ZNF525: variants seen among roughly 807,000 people sequenced by gnomAD.
ZNF525 encodes zinc finger protein 525.
ZNF525 carries 33 observed loss-of-function variants against 37.6 expected under a neutral mutation model. That is an observed-to-expected ratio of 0.88 (90% CI 0.67 to 1.17). The LOEUF (loss-of-function observed/expected upper bound fraction) is 1.17. Ranked by LOEUF, ZNF525 falls within the 50% of genes most tolerant of loss-of-function variation. The pLI, the probability that ZNF525 is intolerant of heterozygous loss-of-function variation, is 0.00. For missense variants in ZNF525, 449 were observed against 543.1 expected, an observed-to-expected ratio of 0.83 and a Z score of 1.72; for synonymous variants, 170 against 182.3, an observed-to-expected ratio of 0.93 and a Z score of 0.54.
Position 53,386,392 on chromosome 19 carries a change from A to G in ZNF525, c.*4373A>G. 1.2e-6 allele frequency: 1 copy of G among 868,670 alleles called. No homozygotes were observed. Among genetic ancestry groups the G allele is most frequent in the Non-Finnish European group, 1.9e-6 (1 of 529,264 alleles). 53.8% of individuals were successfully genotyped at this position (868,670 alleles called of 1,614,324 possible). On this transcript the variant is annotated 3_prime_UTR_variant, in exon 4 of 4. Transcript: ENST00000474037. Reference sequence around the variant, plus strand: ...AAGAACCAAGCTGGGTCTATAAGGAATTGCATGTGAGATGGCACACATATT... The same window carrying G: ...AAGAACCAAGCTGGGTCTATAAGGAGTTGCATGTGAGATGGCACACATATT...
intron 3 of ZNF525, among the ~76,000 whole-genome samples, chr19:53,378,316 G>A (rs1167876278): frequency 6.6e-6 from 1 of 152,162 alleles, no homozygotes; most frequent in Non-Finnish European, 1.5e-5. Context: ...AATTAGCTGG[G>A]CGTGGTGGCA....
At chr19:53,368,179 A>AGGCC (rs1327368361) in intron 1 of ZNF525, among the ~76,000 whole-genome samples, 2 of 152,162 alleles carry the variant, frequency 1.3e-5, no homozygotes, top group Admixed American at 6.5e-5. Context: ...AACTGTCAGT[A>AGGCC]GGCCTGTGGC....
At position 53,382,647 on chromosome 19, in the gene ZNF525, A is replaced by G; in HGVS notation, c.*628A>G. 5 of 710,712 alleles carry G rather than the reference A, an allele frequency of 7.0e-6. No homozygotes were observed. The highest frequency in any genetic ancestry group is 7.0e-5 in the South Asian group (5 of 71,468). The allele number at this position is 710,712 out of a possible 1,614,324, so 44.0% of individuals were successfully genotyped here. On this transcript the variant is annotated 3_prime_UTR_variant, in exon 4 of 4. Coordinates refer to ENST00000474037, the MANE Select transcript of ZNF525 (RefSeq NM_001348156.2). ...GCAATCCATGGCAGAGGGAAACTTT[A>G]CAAATGTAATGATTGTCACCACGTC...
At position 53,382,646 on chromosome 19, in the gene ZNF525, T is replaced by C; in HGVS notation, c.*627T>C. 1.4e-6 allele frequency: 1 copy of C among 711,724 alleles called. No individual in the cohort carries two copies. The highest frequency in any genetic ancestry group is 1.4e-5 in the South Asian group (1 of 71,444). 44.1% of individuals were successfully genotyped at this position (711,724 alleles called of 1,614,324 possible). A position where few individuals can be genotyped will look rare whatever the true frequency, so the allele number is the denominator to read the frequency against. On this transcript the variant is annotated 3_prime_UTR_variant, in exon 4 of 4. Coordinates refer to ENST00000474037, the MANE Select transcript of ZNF525 (RefSeq NM_001348156.2). ...AGCAATCCATGGCAGAGGGAAACTTTACAAATGTAATGATTGTCACCACGT... is the reference window on the plus strand; with the variant it reads ...AGCAATCCATGGCAGAGGGAAACTTCACAAATGTAATGATTGTCACCACGT...
chr19:53,379,630 C>T (rs2085545077), intron 3 of ZNF525, among the ~76,000 whole-genome samples: 1 of 152,146 alleles, frequency 6.6e-6, no homozygotes, highest in Non-Finnish European at 1.5e-5. Context: ...AGTTATTTTA[C>T]CAATTCATTT....
chr19:53,371,889 T>C (rs2147065873), intron 1 of ZNF525, among the ~76,000 whole-genome samples: 1 of 152,268 alleles, frequency 6.6e-6, no homozygotes, highest in African/African-American at 2.4e-5. Context: ...GCTCAAGCGA[T>C]CTACCCCTCT....
chr19:53,370,492 C>T (rs1274580094), intron 1 of ZNF525, among the ~76,000 whole-genome samples: 1 of 151,782 alleles, frequency 6.6e-6, no homozygotes, highest in Non-Finnish European at 1.5e-5. Flanking sequence ...GAAAATTTCC[C>T]TGCTCTGAGC....
In ZNF525 at chr19:53,385,059, A is replaced by G. The variant is rs1472445519; in HGVS notation, c.*3040A>G. ...TGGTTTTAATCTTTCATTCTGTTCT[A>G]GTGGTATATAACATTGATTTGCTTG... On this transcript the variant is annotated 3_prime_UTR_variant, in exon 4 of 4. Transcript: ENST00000474037. 1.5e-6 allele frequency: 1 copy of G among 683,390 alleles called. No homozygotes were observed. Among genetic ancestry groups the G allele is most frequent in the East Asian group, 2.7e-5 (1 of 36,434 alleles). The allele number at this position is 683,390 out of a possible 1,614,324, so 42.3% of individuals were successfully genotyped here. A position where few individuals can be genotyped will look rare whatever the true frequency, so the allele number is the denominator to read the frequency against.
rs1158301695 is a variant in ZNF525 at position 53,383,881 on chromosome 19, T to C, written c.*1862T>C. 12 of 604,806 alleles carry C rather than the reference T, an allele frequency of 2.0e-5. No homozygotes were observed. Among genetic ancestry groups the C allele is most frequent in the African/African-American group, 3.7e-5 (2 of 54,070 alleles). 37.5% of individuals were successfully genotyped at this position (604,806 alleles called of 1,614,324 possible). A position where few individuals can be genotyped will look rare whatever the true frequency, so the allele number is the denominator to read the frequency against. Reference sequence around the variant, plus strand: ...ATCTTTTGCAAAACAGGAGAATTCATACAGGAGAGAAACCTCACAAGTGTG... The same window carrying C: ...ATCTTTTGCAAAACAGGAGAATTCACACAGGAGAGAAACCTCACAAGTGTG... On this transcript the variant is annotated 3_prime_UTR_variant, in exon 4 of 4. Transcript: ENST00000474037.
chr19:53,383,411 A>C lies in ZNF525; in HGVS notation c.*1392A>C. The C allele has an allele frequency of 9.2e-7, 1 of 1,085,838 alleles. No homozygotes were observed. Among genetic ancestry groups the C allele is most frequent in the Non-Finnish European group, 1.4e-6 (1 of 740,652 alleles). The allele number at this position is 1,085,838 out of a possible 1,614,324, so 67.3% of individuals were successfully genotyped here. On this transcript the variant is annotated 3_prime_UTR_variant, in exon 4 of 4. Transcript: ENST00000474037. ...GAGAGAAACCTTAGAAATGTGAAGA[A>C]TGTGACAAAGTTTACAGTCGCAAAT...
In ZNF525 at chr19:53,381,609, T is replaced by G. The variant is rs777216584; in HGVS notation, c.1030T>G (p.Cys344Gly). Reference sequence around the variant, plus strand: ...CTTTAGTCAGAAGTCATACCTTGCATGCCATCGTAGCATTCATACTGGAAA... The same window carrying G: ...CTTTAGTCAGAAGTCATACCTTGCAGGCCATCGTAGCATTCATACTGGAAA... Reference protein sequence around the residue: ...KTFSQKSYLACHRSIHTGKKP... With the variant: ...KTFSQKSYLAGHRSIHTGKKP... The change falls in exon 4 of 4, where the codon TGC becomes GGC. Residue 344 changes from cysteine to glycine, a missense_variant. This residue lies in a region of ZNF525 where 178 missense variants were observed against 161.5 expected (regional missense o/e 1.10). Transcript: ENST00000474037. 7 of 1,104,032 alleles carry G rather than the reference T, an allele frequency of 6.3e-6. No individual in the cohort carries two copies. The highest frequency in any genetic ancestry group is 6.1e-5 in the African/African-American group (4 of 65,492). The allele number at this position is 1,104,032 out of a possible 1,614,324, so 68.4% of individuals were successfully genotyped here.
Position 53,383,297 on chromosome 19 carries a change from A to G in ZNF525, c.*1278A>G, listed in dbSNP as rs1857491842. The G allele has an allele frequency of 2.2e-6, 3 of 1,374,230 alleles. No homozygotes were observed. The highest frequency in any genetic ancestry group is 1.7e-5 in the African/African-American group (1 of 58,246). The allele number at this position is 1,374,230 out of a possible 1,614,324, so 85.1% of individuals were successfully genotyped here. ...TTCAGTCCTTGTAATTCATAAAACA[A>G]TTCATACTGGAGAGAAACAAGCGTA... On this transcript the variant is annotated 3_prime_UTR_variant, in exon 4 of 4. Coordinates refer to ENST00000474037, the MANE Select transcript of ZNF525 (RefSeq NM_001348156.2).
rs1199010552 is a variant in ZNF525, at chr19:53,384,106, A to C, written c.*2087A>C. 1 of 452,616 alleles carries C rather than the reference A, an allele frequency of 2.2e-6. No individual in the cohort carries two copies. The highest frequency in any genetic ancestry group is 2.0e-5 in the African/African-American group (1 of 49,526). The allele number at this position is 452,616 out of a possible 1,614,324, so 28.0% of individuals were successfully genotyped here. On this transcript the variant is annotated 3_prime_UTR_variant, in exon 4 of 4. Coordinates refer to ENST00000474037, the MANE Select transcript of ZNF525 (RefSeq NM_001348156.2). The stretch of plus-strand genomic sequence containing the variant: ...ATAGCAAACCATCAAGCATTGATTG[A>C]CATTAGAGTCAGTTCAGCATTGACT...
At chr19:53,378,449 C>G (rs1457608077) in intron 3 of ZNF525, among the ~76,000 whole-genome samples, 1 of 152,134 alleles carries the variant, frequency 6.6e-6, no homozygotes, top group African/African-American at 2.4e-5. Flanking sequence ...AGTGAGACTA[C>G]AGGCTGAGGC....
chr19:53,366,845 G>A (rs8107801), intron 1 of ZNF525, among the ~76,000 whole-genome samples: 50,741 of 149,732 alleles, frequency 0.34, 8,710 homozygotes, highest in Non-Finnish European at 0.44. Context: ...AGCAGAGGAG[G>A]CGCAGAGATG....
At position 53,383,932 on chromosome 19, in the gene ZNF525, A is replaced by G. The variant is rs115439275; in HGVS notation, c.*1913A>G. The G allele has an allele frequency of 1.2e-3, 862 of 696,154 alleles. 6 individuals are homozygous for G. The African/African-American group carries it at 0.014, about 12-fold the overall frequency. The allele number at this position is 696,154 out of a possible 1,614,324, so 43.1% of individuals were successfully genotyped here. The stretch of plus-strand genomic sequence containing the variant: ...ATGATCGTGGCAAAGCCTTTACTTC[A>G]CATTCTCACCTCATTAGACATCAGA... On this transcript the variant is annotated 3_prime_UTR_variant, in exon 4 of 4. Transcript: ENST00000474037.
chr19:53,385,920 T>A lies in ZNF525; in HGVS notation c.*3901T>A, dbSNP rs998498007. On this transcript the variant is annotated 3_prime_UTR_variant, in exon 4 of 4. Transcript: ENST00000474037. ...TTGTTCATGCTGCAATGAAGAGGAC[T>A]GACAGCAAACAGCAGAAACATAGTC... The A allele has an allele frequency of 4.9e-5, 9 of 183,644 alleles. No individual in the cohort carries two copies. The Admixed American group carries it at 5.1e-4, about 10-fold the overall frequency. The allele number at this position is 183,644 out of a possible 1,614,324, so 11.4% of individuals were successfully genotyped here.
intron 1 of ZNF525, among the ~76,000 whole-genome samples, chr19:53,367,636 G>A (rs1288785491): frequency 2.6e-5 from 4 of 152,274 alleles, no homozygotes; most frequent in Admixed American, 2.6e-4. Context: ...GAGGGACTCG[G>A]GAGTCTACTT....
At chr19:53,377,928 G>A (rs1208744098) in intron 3 of ZNF525, among the ~76,000 whole-genome samples, 1 of 152,110 alleles carries the variant, frequency 6.6e-6, no homozygotes, top group African/African-American at 2.4e-5. Flanking sequence ...TTATAGTACA[G>A]GCCCTAAACT....
Sources: allele counts gnomAD v4.1 joint callset (sites outside exome capture counted in the v4.1 genomes callset), GRCh38; gene constraint gnomAD v4.1.1; regional missense constraint gnomAD v4.1.1; transcripts MANE v1.5; gene names NCBI Gene and HGNC (gene_info 2026-07-23, HGNC 2026-07-21).